Variants in ITGBL1 observed in about 807,000 individuals in gnomAD.
ITGBL1 encodes the protein integrin subunit beta like 1.
Under a neutral mutation model 68.5 loss-of-function variants are expected in ITGBL1, and 51 were observed. That is an observed-to-expected ratio of 0.74 (90% CI 0.59 to 0.94). The LOEUF (loss-of-function observed/expected upper bound fraction) is 0.94. Among genes scored for constraint, ITGBL1 ranks in the 40% least tolerant of loss-of-function variants. The probability of loss-of-function intolerance (pLI) is 0.00; values close to 1 mark genes in which losing one functional copy is unlikely to be tolerated. For missense variants in ITGBL1, 649 were observed against 647.4 expected (o/e 1.00, Z -0.03); for synonymous variants, 209 against 227.3 (o/e 0.92, Z 0.72).
chr13:101,524,503 G>C (rs548105735), intron 2 of ITGBL1, among the ~76,000 whole-genome samples: 1 of 151,690 alleles, frequency 6.6e-6, no homozygotes, highest in Non-Finnish European at 1.5e-5. Context: ...GAAAGATATT[G>C]GTGGTCATTA....
intron 7 of ITGBL1, among the ~76,000 whole-genome samples, chr13:101,650,727 G>A (rs951988525): frequency 4.6e-5 from 7 of 151,026 alleles, no homozygotes; most frequent in South Asian, 2.1e-4. Context: ...GTACAGATCC[G>A]CCCATCACCT....
In ITGBL1 at chr13:101,531,544, A is replaced by G. The variant is rs543169257; in HGVS notation, c.317-36155A>G. Among the ~76,000 whole-genome samples, 9 of 147,394 alleles carry G rather than the reference A, an allele frequency of 6.1e-5. No homozygotes were observed. The East Asian group carries it at 1.5e-3, about 24-fold the overall frequency. ...GCAGAATTGGAAGTAAGACATTTGC[A>G]CTCGAAAACAGGGGTAGTTGGTTTC... is the stretch of plus-strand genomic sequence containing the variant. On this transcript the variant is annotated intron_variant, in intron 2 of 10. Transcript: ENST00000376180.
chr13:101,466,871 A>G lies in ITGBL1; in HGVS notation c.316+12771A>G, dbSNP rs186421055. Among the ~76,000 whole-genome samples, 10 of 152,290 alleles carry G rather than the reference A, an allele frequency of 6.6e-5. No individual in the cohort carries two copies. In the South Asian group the frequency reaches 8.3e-4, roughly 13 times the overall value. On this transcript the variant is annotated intron_variant, in intron 2 of 10. Coordinates refer to ENST00000376180, the MANE Select transcript of ITGBL1 (RefSeq NM_004791.3). ...ACTCCTTTAGAATTTGTTGCAGGGT[A>G]GATGGTTTAGTCCATTCAGGCTGCT...
At chr13:101,688,163 C>A (rs991965892) in intron 7 of ITGBL1, among the ~76,000 whole-genome samples, 20 of 152,154 alleles carry the variant, frequency 1.3e-4, no homozygotes, top group African/African-American at 4.8e-4. Flanking sequence ...TAAGGGAGAA[C>A]TTAGTTGGCT....
intron 6 of ITGBL1, among the ~76,000 whole-genome samples, 161 bp from the exon 7 acceptor site, chr13:101,597,992 G>A (rs1281100766): frequency 6.6e-6 from 1 of 152,060 alleles, no homozygotes; most frequent in Non-Finnish European, 1.5e-5. Flanking sequence ...ATATAAGTCA[G>A]TTATTTAAGA....
intron 7 of ITGBL1, among the ~76,000 whole-genome samples, chr13:101,690,070 G>A (rs539284902): frequency 6.6e-6 from 1 of 152,202 alleles, no homozygotes; most frequent in Admixed American, 6.5e-5. Flanking sequence ...AGTTGCCTTA[G>A]TATTAGTCAT....
chr13:101,513,358 C>G (rs1346542876), intron 2 of ITGBL1, among the ~76,000 whole-genome samples: 1 of 151,984 alleles, frequency 6.6e-6, no homozygotes, highest in Non-Finnish European at 1.5e-5. Flanking sequence ...TGGCATAAGG[C>G]AGGTACACAG....
rs1396718616 is a variant in ITGBL1 at position 101,453,957 on chromosome 13, C to G, written c.173C>G (p.Pro58Arg). 1.3e-6 allele frequency: 2 copies of G among 1,495,786 alleles called. No individual in the cohort carries two copies. The highest frequency in any genetic ancestry group is 1.3e-5 in the South Asian group (1 of 77,150). The allele number at this position is 1,495,786 out of a possible 1,614,324, so 92.7% of individuals were successfully genotyped here. ...CGCTGCCGCGCACCTGGGCAGCCCC[C>G]GGGGGCCGCGCTGTGCCACGGCCGG... is the stretch of plus-strand genomic sequence containing the variant. ...ERRCRAPGQP[P>R]GAALCHGRGR... is the part of the protein sequence containing the mutation. Residue 58 changes from proline (P) to arginine (R), a missense_variant, in exon 2 of 11, where the codon CCG (proline) becomes CGG (arginine). Transcript: ENST00000376180.
At chr13:101,530,510 A>C (rs1397971657) in intron 2 of ITGBL1, among the ~76,000 whole-genome samples, 1 of 152,196 alleles carries the variant, frequency 6.6e-6, no homozygotes, top group African/African-American at 2.4e-5. Flanking sequence ...ACTGTCTTCT[A>C]GTTTCCCAGC....
intron 7 of ITGBL1, among the ~76,000 whole-genome samples, chr13:101,650,809 G>T (rs183053874): frequency 1.3e-5 from 2 of 152,044 alleles, no homozygotes; most frequent in East Asian, 3.9e-4. Context: ...CCTTTTGACA[G>T]ACCCCAGTGT....
At chr13:101,500,746 G>A (rs1278614319) in intron 2 of ITGBL1, among the ~76,000 whole-genome samples, 3 of 152,140 alleles carry the variant, frequency 2.0e-5, no homozygotes, top group African/African-American at 7.2e-5. Context: ...CAGCCTTTAA[G>A]CAGACTGTTT....
At chr13:101,600,052 A>G (rs913431824) in intron 7 of ITGBL1, among the ~76,000 whole-genome samples, 3 of 152,198 alleles carry the variant, frequency 2.0e-5, no homozygotes, top group Non-Finnish European at 4.4e-5. Flanking sequence ...CACGATATTG[A>G]TTCTTCCTAT....
intron 7 of ITGBL1, among the ~76,000 whole-genome samples, chr13:101,619,267 A>G (rs984870942): frequency 1.9e-4 from 29 of 152,076 alleles, no homozygotes; most frequent in African/African-American, 6.5e-4. Context: ...AATATGTTAG[A>G]TTACATGGCA....
chr13:101,698,804 A>G (rs1368814668), intron 8 of ITGBL1, among the ~76,000 whole-genome samples: 2 of 152,208 alleles, frequency 1.3e-5, no homozygotes, highest in Non-Finnish European at 2.9e-5. Context: ...AGCCTAATAT[A>G]AGTTAAATCA....
chr13:101,598,410 GT>G lies in ITGBL1; in HGVS notation c.1015+118del, dbSNP rs559190648. On this transcript the variant is annotated intron_variant, in intron 7 of 10. Transcript: ENST00000376180. ...TTTGTTTTTTGTTTTCTGCTTTTTG[GT>G]TTTTTTGTTTTTTATTTTTTTATTT... 7.4e-4 allele frequency: 599 copies of G among 804,062 alleles called. 1 individual carries two copies. Among genetic ancestry groups the G allele is most frequent in the Non-Finnish European group, 9.1e-4 (521 of 574,854 alleles). 49.8% of individuals were successfully genotyped at this position (804,062 alleles called of 1,614,324 possible). A position where few individuals can be genotyped will look rare whatever the true frequency, so the allele number is the denominator to read the frequency against.
At chr13:101,601,707 C>T (rs2030394139) in intron 7 of ITGBL1, among the ~76,000 whole-genome samples, 1 of 152,178 alleles carries the variant, frequency 6.6e-6, no homozygotes, top group Non-Finnish European at 1.5e-5. Context: ...AGTATTCATT[C>T]AGGAGCAGGT....
At chr13:101,669,974 T>A (rs933228050) in intron 7 of ITGBL1, among the ~76,000 whole-genome samples, 1 of 152,188 alleles carries the variant, frequency 6.6e-6, no homozygotes, top group Admixed American at 6.5e-5. Flanking sequence ...ACTCTCTCCA[T>A]TGACTTTTTA....
intron 2 of ITGBL1, among the ~76,000 whole-genome samples, chr13:101,542,147 T>G (rs1187286174): frequency 6.6e-6 from 1 of 152,240 alleles, no homozygotes; most frequent in Non-Finnish European, 1.5e-5. Context: ...ATTGTGATGT[T>G]AGGGTGTCAA....
At chr13:101,574,824 G>A (rs746612008) in intron 3 of ITGBL1, among the ~76,000 whole-genome samples, 3 of 152,020 alleles carry the variant, frequency 2.0e-5, no homozygotes, top group Non-Finnish European at 4.4e-5. Context: ...TGAGAATCTG[G>A]TGAGTTACCA....
Sources: allele counts gnomAD v4.1 joint callset (sites outside exome capture counted in the v4.1 genomes callset), GRCh38; gene constraint gnomAD v4.1.1; transcripts MANE v1.5; gene names NCBI Gene and HGNC (gene_info 2026-07-23, HGNC 2026-07-21).